Variants in CDH10 observed in about 807,000 individuals in gnomAD.
The protein encoded by CDH10 is cadherin-10.
CDH10 carries 30 observed loss-of-function variants against 73.1 expected under a neutral mutation model. The observed-to-expected ratio is 0.41, with a 90% CI of 0.31 to 0.56. The LOEUF (loss-of-function observed/expected upper bound fraction) is 0.56. CDH10 is among the 20% of genes least tolerant of loss of function. The probability of loss-of-function intolerance (pLI) is 0.27; values close to 1 mark genes in which losing one functional copy is unlikely to be tolerated. For missense variants in CDH10, 815 were observed against 973.7 expected (o/e 0.84, Z 2.17); for synonymous variants, 345 against 348.2 (o/e 0.99, Z 0.10).
At chr5:24,560,738 G>C (rs1744930914) in intron 2 of CDH10, among the ~76,000 whole-genome samples, 1 of 152,044 alleles carries the variant, frequency 6.6e-6, no homozygotes, top group African/African-American at 2.4e-5. Context: ...ATAAATGGTT[G>C]TCAGTGTATT....
intron 2 of CDH10, among the ~76,000 whole-genome samples, chr5:24,569,087 G>A (rs779805339): frequency 2.1e-4 from 32 of 149,778 alleles, no homozygotes; most frequent in Non-Finnish European, 4.3e-4. Flanking sequence ...TCCAGCCTGG[G>A]CAACAGAGCG....
chr5:24,493,605 T>G (rs1265615015), intron 9 of CDH10, among the ~76,000 whole-genome samples: 1 of 151,938 alleles, frequency 6.6e-6, no homozygotes. Flanking sequence ...TATGATTAAC[T>G]AATATACAAA....
At chr5:24,502,848 A>C (rs1459060538) in intron 8 of CDH10, among the ~76,000 whole-genome samples, 1 of 152,166 alleles carries the variant, frequency 6.6e-6, no homozygotes, top group Non-Finnish European at 1.5e-5. Flanking sequence ...GGGGATGTGG[A>C]TACAGATAGA....
intron 5 of CDH10, among the ~76,000 whole-genome samples, chr5:24,516,367 G>A (rs551152778): frequency 1.6e-4 from 25 of 151,938 alleles, no homozygotes; most frequent in Non-Finnish European, 2.9e-4. Flanking sequence ...GATATTTTGA[G>A]TGTATGCAAA....
intron 3 of CDH10, among the ~76,000 whole-genome samples, chr5:24,536,195 C>T (rs1743948841): frequency 6.6e-6 from 1 of 151,926 alleles, no homozygotes; most frequent in South Asian, 2.1e-4. Flanking sequence ...TCTTCTTCCC[C>T]CTCTCCACTA....
intron 2 of CDH10, among the ~76,000 whole-genome samples, chr5:24,559,190 A>C (rs1482210220): frequency 6.6e-6 from 1 of 151,942 alleles, no homozygotes; most frequent in African/African-American, 2.4e-5. Context: ...ATTATAAATA[A>C]ATTACTAAAT....
chr5:24,557,530 A>G (rs10461812), intron 2 of CDH10, among the ~76,000 whole-genome samples: 55,880 of 151,608 alleles, frequency 0.37, 12,279 homozygotes, highest in East Asian at 0.58. Context: ...AACAATAAAG[A>G]TAACACCATT....
chr5:24,619,761 T>C (rs904988404), intron 1 of CDH10, among the ~76,000 whole-genome samples: 4 of 152,002 alleles, frequency 2.6e-5, no homozygotes, highest in African/African-American at 4.8e-5. Flanking sequence ...TGGGTCATGA[T>C]TGGGATTAGT....
chr5:24,626,407 T>C (rs1747501475), intron 1 of CDH10, among the ~76,000 whole-genome samples: 1 of 152,066 alleles, frequency 6.6e-6, no homozygotes, highest in Non-Finnish European at 1.5e-5. Flanking sequence ...CAAGGAGGCA[T>C]GAAAGGGACA....
At chr5:24,551,378 T>C (rs1231087764) in intron 2 of CDH10, among the ~76,000 whole-genome samples, 2 of 152,218 alleles carry the variant, frequency 1.3e-5, no homozygotes, top group African/African-American at 4.8e-5. Context: ...AATTGGGTAA[T>C]ATATTACTAC....
chr5:24,529,973 G>T (rs1285418519), intron 5 of CDH10, among the ~76,000 whole-genome samples: 2 of 146,932 alleles, frequency 1.4e-5, no homozygotes, highest in Non-Finnish European at 3.0e-5. Flanking sequence ...GTGATGGGAT[G>T]TATGGAAAAG....
chr5:24,595,664 G>GTTT (rs1746348235), intron 1 of CDH10, among the ~76,000 whole-genome samples: 4 of 152,030 alleles, frequency 2.6e-5, no homozygotes, highest in Admixed American at 1.3e-4. Flanking sequence ...CCAAGAGGCA[G>GTTT]GGGAGAGTTT....
intron 1 of CDH10, among the ~76,000 whole-genome samples, chr5:24,597,239 T>G (rs938475558): frequency 4.6e-5 from 7 of 152,082 alleles, no homozygotes; most frequent in Admixed American, 3.9e-4. Context: ...GGGTCACTTG[T>G]TAGATATCTA....
At chr5:24,492,145 C>T (rs1050904222) in intron 10 of CDH10, among the ~76,000 whole-genome samples, 1 of 152,088 alleles carries the variant, frequency 6.6e-6, no homozygotes, top group Non-Finnish European at 1.5e-5. Flanking sequence ...TTCAAAAAAC[C>T]TATTTTGCAT....
chr5:24,521,621 G>T (rs144305780), intron 5 of CDH10, among the ~76,000 whole-genome samples: 2,212 of 148,778 alleles, frequency 0.015, 54 homozygotes, highest in African/African-American at 0.048. Context: ...TCAAAAAAAA[G>T]AAAAAAAAAT....
intron 1 of CDH10, among the ~76,000 whole-genome samples, chr5:24,635,418 C>T (rs1747835713): frequency 6.6e-6 from 1 of 151,978 alleles, no homozygotes; most frequent in African/African-American, 2.4e-5. Flanking sequence ...CAGTTAGTCT[C>T]ACTCTTTCTT....
At chr5:24,591,685 T>C (rs1746203405) in intron 2 of CDH10, among the ~76,000 whole-genome samples, 1 of 151,884 alleles carries the variant, frequency 6.6e-6, no homozygotes, top group Admixed American at 6.6e-5. Context: ...TAAATAGTTA[T>C]TAAGATCTAC....
chr5:24,606,246 G>A (rs1053581759), intron 1 of CDH10, among the ~76,000 whole-genome samples: 1 of 152,126 alleles, frequency 6.6e-6, no homozygotes, highest in Non-Finnish European at 1.5e-5. Context: ...TGCATGAAAT[G>A]ATGCTCAGCA....
chr5:24,619,157 A>C (rs1256410191), intron 1 of CDH10, among the ~76,000 whole-genome samples: 1 of 152,066 alleles, frequency 6.6e-6, no homozygotes, highest in African/African-American at 2.4e-5. Context: ...CTTCAAGATG[A>C]ATGGTACCTC....
Sources: gnomAD v4.1 joint callset for allele counts (sites outside exome capture counted in the v4.1 genomes callset) on GRCh38, gnomAD v4.1.1 for gene constraint, MANE v1.5 for transcripts, NCBI Gene and HGNC (gene_info 2026-07-23, HGNC 2026-07-21) for gene names.